Variants in SGK1 observed in about 807,000 individuals in gnomAD.
SGK1 encodes the protein serum/glucocorticoid regulated kinase 1.
In SGK1, 26 loss-of-function variants were observed where a neutral mutation model predicts 64.2. The observed-to-expected ratio is 0.40, with a 90% confidence interval of 0.30 to 0.56. The LOEUF is 0.56. Among genes scored for constraint, SGK1 ranks in the 20% least tolerant of loss-of-function variants. SGK1 has a pLI of 0.38. For synonymous variants in SGK1, 265 were observed against 239.7 expected (o/e 1.11, Z -0.98); for missense variants, 519 against 645.6 (o/e 0.80, Z 2.12).
chr6:134,170,926 GA>G lies in SGK1; in HGVS notation c.1324-12del. 4 of 1,609,118 alleles carry G rather than the reference GA, an allele frequency of 2.5e-6. No homozygotes were observed. The highest frequency in any genetic ancestry group is 3.4e-6 in the Non-Finnish European group (4 of 1,175,582). On this transcript the variant is annotated splice_polypyrimidine_tract_variant and intron_variant, in intron 12 of 13. Transcript: ENST00000367858. ...ACTCTTAATCTCCATCTGTTGATAAGAAACCCAAGATTAATTTAGACAGGTG... is the reference window on the plus strand; with the variant it reads ...ACTCTTAATCTCCATCTGTTGATAAGAACCCAAGATTAATTTAGACAGGTG...
intron 1 of SGK1, among the ~76,000 whole-genome samples, chr6:134,305,434 G>T (rs111806189): frequency 6.0e-5 from 9 of 150,568 alleles, no homozygotes; most frequent in African/African-American, 2.2e-4. Flanking sequence ...TTAGCCCAGC[G>T]TGGTGGTGTG....
intron 2 of SGK1, among the ~76,000 whole-genome samples, chr6:134,224,913 T>C (rs1763499): frequency 0.75 from 112,764 of 149,530 alleles, 43,589 homozygotes; most frequent in East Asian, 0.95. Context: ...CGCAGCCACT[T>C]GGGGACTGAG....
At chr6:134,305,870 A>G (rs1336971986) in intron 1 of SGK1, among the ~76,000 whole-genome samples, 2 of 152,154 alleles carry the variant, frequency 1.3e-5, no homozygotes, top group African/African-American at 4.8e-5. Flanking sequence ...TTCAATTTCT[A>G]TATGAGTTTT....
In SGK1 at chr6:134,262,829, C is replaced by T. The variant is rs537954597; in HGVS notation, c.70-681G>A. ...GGCCAAGGCAGGAGGACTGCTTTAG[C>T]CCAGGAGTTTGAGACCAGCCTGGGC... On this transcript the variant is annotated intron_variant, in intron 1 of 13. Transcript: ENST00000367858. 8.6e-5 allele frequency among the ~76,000 whole-genome samples: 13 copies of T among 151,978 alleles called. 1 individual carries two copies. Among genetic ancestry groups the T allele is most frequent in the African/African-American group, 2.9e-4 (12 of 41,460 alleles).
intron 2 of SGK1, among the ~76,000 whole-genome samples, chr6:134,253,774 T>C (rs140032939): frequency 6.6e-6 from 1 of 152,304 alleles, no homozygotes; most frequent in Non-Finnish European, 1.5e-5. Flanking sequence ...TGTCAACAAC[T>C]CAGTGTTAAT....
intron 2 of SGK1, among the ~76,000 whole-genome samples, chr6:134,208,787 TACAC>T (rs1332414233): frequency 6.6e-6 from 1 of 150,896 alleles, no homozygotes; most frequent in African/African-American, 2.4e-5. Context: ...TATATAGATA[TACAC>T]ACACACATAC....
chr6:134,314,892 T>A (rs1421428471), intron 1 of SGK1, among the ~76,000 whole-genome samples: 1 of 151,716 alleles, frequency 6.6e-6, no homozygotes, highest in African/African-American at 2.4e-5. Context: ...AAATAAAATA[T>A]GCAGAAATGT....
chr6:134,317,350 G>A (rs1204626766), intron 1 of SGK1, 42 bp downstream of exon 1: 1 of 1,228,044 alleles, frequency 8.1e-7, no homozygotes, highest in Non-Finnish European at 1.2e-6. Context: ...GCATTTAAGA[G>A]AAGCACAGAA....
At chr6:134,228,618 T>A (rs948008751) in intron 2 of SGK1, among the ~76,000 whole-genome samples, 1 of 152,200 alleles carries the variant, frequency 6.6e-6, no homozygotes. Context: ...TTGGCCATAG[T>A]AGTCGATCAG....
At chr6:134,219,013 T>G (rs1426576539) in intron 2 of SGK1, among the ~76,000 whole-genome samples, 1 of 150,890 alleles carries the variant, frequency 6.6e-6, no homozygotes, top group East Asian at 2.0e-4. Flanking sequence ...GACAGAGTCT[T>G]GCTCTGTCGC....
chr6:134,174,229 A>C, intron 4 of SGK1, 149 bp from the exon 5 acceptor site: 2 of 625,792 alleles, frequency 3.2e-6, no homozygotes, highest in Non-Finnish European at 5.6e-6. Context: ...CAGTTAAAGA[A>C]AATAATAAAC....
chr6:134,189,950 A>G (rs999153715), intron 3 of SGK1, among the ~76,000 whole-genome samples: 1 of 152,184 alleles, frequency 6.6e-6, no homozygotes, highest in Non-Finnish European at 1.5e-5. Context: ...TCCGGATTCA[A>G]GTGATTCTCT....
intron 11 of SGK1, 73 bp from the exon 12 acceptor site, chr6:134,171,251 G>T: frequency 1.5e-6 from 2 of 1,349,216 alleles, no homozygotes; most frequent in Non-Finnish European, 2.1e-6. Flanking sequence ...TAGAGAAAAA[G>T]ATATAAACGG....
intron 1 of SGK1, among the ~76,000 whole-genome samples, chr6:134,292,445 T>G (rs1448553816): frequency 1.3e-5 from 2 of 151,992 alleles, no homozygotes; most frequent in Non-Finnish European, 2.9e-5. Flanking sequence ...ATACAAAAAC[T>G]AGCTGGGGGT....
chr6:134,293,765 T>G (rs1043990547), intron 1 of SGK1, among the ~76,000 whole-genome samples: 1 of 152,104 alleles, frequency 6.6e-6, no homozygotes, highest in Non-Finnish European at 1.5e-5. Flanking sequence ...CAAAAACTAG[T>G]CATTTCACCT....
chr6:134,234,330 G>A (rs980060578), intron 2 of SGK1, among the ~76,000 whole-genome samples: 1 of 152,154 alleles, frequency 6.6e-6, no homozygotes, highest in Non-Finnish European at 1.5e-5. Flanking sequence ...TTGAACCCCA[G>A]AGACAGAGGC....
intron 2 of SGK1, among the ~76,000 whole-genome samples, chr6:134,228,467 A>G (rs933951589): frequency 2.0e-5 from 3 of 152,228 alleles, no homozygotes; most frequent in Admixed American, 6.5e-5. Context: ...AAAAGAATAT[A>G]CTTCTTGAAT....
At chr6:134,276,371 T>C (rs1425528506) in intron 1 of SGK1, among the ~76,000 whole-genome samples, 1 of 152,054 alleles carries the variant, frequency 6.6e-6, no homozygotes, top group Non-Finnish European at 1.5e-5. Flanking sequence ...CGGGCTGTGA[T>C]GGGGATAGGT....
At chr6:134,178,854 G>T (rs1323668283) in intron 3 of SGK1, among the ~76,000 whole-genome samples, 1 of 152,152 alleles carries the variant, frequency 6.6e-6, no homozygotes, top group South Asian at 2.1e-4. Context: ...ATGTCTCGGT[G>T]CTGGGAAAAC....
Sources: allele counts gnomAD v4.1 joint callset (sites outside exome capture counted in the v4.1 genomes callset), GRCh38; gene constraint gnomAD v4.1.1; transcripts MANE v1.5; gene names NCBI Gene and HGNC (gene_info 2026-07-23, HGNC 2026-07-21).